ASIC2: variants seen among roughly 807,000 people sequenced by gnomAD.
ASIC2 encodes the protein acid sensing ion channel subunit 2.
ASIC2 carries 25 observed loss-of-function variants against 57.3 expected under a neutral mutation model. The ratio of observed to expected loss-of-function variants is 0.44; its 90% CI spans 0.32 to 0.61. ASIC2 has a LOEUF of 0.61. Among genes scored for constraint, ASIC2 ranks in the 20% least tolerant of loss-of-function variants. The probability of loss-of-function intolerance (pLI) is 0.06; values close to 1 mark genes in which losing one functional copy is unlikely to be tolerated. For missense variants in ASIC2, 641 were observed against 738.1 expected, an observed-to-expected ratio of 0.87 and a Z score of 1.52; for synonymous variants, 319 against 307.5, an observed-to-expected ratio of 1.04 and a Z score of -0.39.
chr17:33,532,469 T>C (rs1381602349), intron 1 of ASIC2, among the ~76,000 whole-genome samples: 3 of 152,228 alleles, frequency 2.0e-5, no homozygotes, highest in Non-Finnish European at 4.4e-5. Context: ...GCTACTATGA[T>C]GGGCCACTAG....
At chr17:33,695,474 G>T (rs1043302561) in intron 1 of ASIC2, among the ~76,000 whole-genome samples, 6 of 151,968 alleles carry the variant, frequency 3.9e-5, no homozygotes, top group African/African-American at 1.5e-4. Context: ...TTTTAAAATT[G>T]CTCTTTTAAA....
At chr17:33,620,222 A>T (rs1174683542) in intron 1 of ASIC2, among the ~76,000 whole-genome samples, 1 of 143,642 alleles carries the variant, frequency 7.0e-6, no homozygotes, top group Admixed American at 7.1e-5. Context: ...GTAGAATGGG[A>T]TCCAAGCAGA....
intron 1 of ASIC2, among the ~76,000 whole-genome samples, chr17:33,318,324 T>C (rs1019167976): frequency 6.6e-6 from 1 of 152,138 alleles, no homozygotes; most frequent in African/African-American, 2.4e-5. Flanking sequence ...TGAGTTTGGG[T>C]TCCAGGCTGC....
intron 1 of ASIC2, among the ~76,000 whole-genome samples, chr17:33,489,103 G>A (rs953416743): frequency 6.6e-6 from 1 of 152,144 alleles, no homozygotes; most frequent in African/African-American, 2.4e-5. Context: ...TCTAGAGTGA[G>A]AATCCTGCAA....
At chr17:33,316,079 T>C (rs1906633081) in intron 1 of ASIC2, among the ~76,000 whole-genome samples, 1 of 152,230 alleles carries the variant, frequency 6.6e-6, no homozygotes, top group Non-Finnish European at 1.5e-5. Flanking sequence ...ATAAGTTGGA[T>C]CAATTTTATT....
At chr17:33,702,481 C>G (rs1467841689) in intron 1 of ASIC2, among the ~76,000 whole-genome samples, 1 of 152,160 alleles carries the variant, frequency 6.6e-6, no homozygotes, top group Non-Finnish European at 1.5e-5. Context: ...GAGTTTCCAT[C>G]AAGGGAGCAG....
chr17:33,447,726 T>C (rs1259786856), intron 1 of ASIC2, among the ~76,000 whole-genome samples: 1 of 152,144 alleles, frequency 6.6e-6, no homozygotes, highest in Non-Finnish European at 1.5e-5. Flanking sequence ...ATAACTGATA[T>C]ATCTTGTAGA....
chr17:33,772,926 G>A (rs181272051), intron 1 of ASIC2, among the ~76,000 whole-genome samples: 29 of 152,242 alleles, frequency 1.9e-4, no homozygotes, highest in Middle Eastern at 3.4e-3. Flanking sequence ...GTGTGGGGGC[G>A]GATTAAAAGC....
At chr17:34,075,598 A>C (rs1318833159) in intron 1 of ASIC2, among the ~76,000 whole-genome samples, 1 of 152,162 alleles carries the variant, frequency 6.6e-6, no homozygotes, top group Non-Finnish European at 1.5e-5. Flanking sequence ...CCTGCAGTAC[A>C]TATGGCACCA....
intron 1 of ASIC2, among the ~76,000 whole-genome samples, chr17:33,143,452 T>C (rs1352434557): frequency 6.6e-6 from 1 of 152,202 alleles, no homozygotes; most frequent in Non-Finnish European, 1.5e-5. Context: ...TTGCTTTTGT[T>C]TCTCATATAT....
At chr17:33,455,443 T>A (rs1912415091) in intron 1 of ASIC2, among the ~76,000 whole-genome samples, 1 of 152,246 alleles carries the variant, frequency 6.6e-6, no homozygotes, top group African/African-American at 2.4e-5. Flanking sequence ...CATGCAATAT[T>A]TGGCTTACTG....
At chr17:33,993,219 G>A (rs751311127) in intron 1 of ASIC2, among the ~76,000 whole-genome samples, 7 of 152,184 alleles carry the variant, frequency 4.6e-5, no homozygotes, top group Non-Finnish European at 8.8e-5. Context: ...TGGTAGATTG[G>A]TAGCTTCCCT....
chr17:34,123,720 T>C (rs558377496), intron 1 of ASIC2, among the ~76,000 whole-genome samples: 4 of 152,202 alleles, frequency 2.6e-5, no homozygotes, highest in South Asian at 2.1e-4. Context: ...CTTAGGATCA[T>C]TGTAACCAAA....
chr17:33,112,274 G>C, intron 1 of ASIC2: 1 of 611,986 alleles, frequency 1.6e-6, no homozygotes, highest in South Asian at 2.2e-5. Flanking sequence ...AGCAAATCTG[G>C]ATGCCCTTTG....
At chr17:33,224,604 GA>G (rs1488839710) in intron 1 of ASIC2, among the ~76,000 whole-genome samples, 1 of 152,246 alleles carries the variant, frequency 6.6e-6, no homozygotes, top group Non-Finnish European at 1.5e-5. Flanking sequence ...AAACAGGGAG[GA>G]GGGGAGGAAA....
intron 1 of ASIC2, among the ~76,000 whole-genome samples, chr17:33,844,504 T>A (rs1913525667): frequency 6.6e-6 from 1 of 152,176 alleles, no homozygotes; most frequent in African/African-American, 2.4e-5. Flanking sequence ...ACAAGGACCA[T>A]GACACCCAGA....
chr17:33,477,168 T>C (rs1597743297), intron 1 of ASIC2, among the ~76,000 whole-genome samples: 1 of 152,288 alleles, frequency 6.6e-6, no homozygotes, highest in Non-Finnish European at 1.5e-5. Context: ...CTTAAACATA[T>C]ATATACTCAG....
At position 34,039,231 on chromosome 17, in the gene ASIC2, T is replaced by C. The variant is rs560744013; in HGVS notation, c.555+116747A>G. On this transcript the variant is annotated intron_variant, in intron 1 of 9. Transcript: ENST00000359872. ...TGTTTTCTAGTGCAGATATTTTTTCTATTGTGAGGTCGGACTGGGTCTGTC... is the reference window on the plus strand; with the variant it reads ...TGTTTTCTAGTGCAGATATTTTTTCCATTGTGAGGTCGGACTGGGTCTGTC... 9 of 1,614,028 alleles carry C rather than the reference T, an allele frequency of 5.6e-6. No individual in the cohort carries two copies. The East Asian group carries it at 1.8e-4, about 32-fold the overall frequency.
At chr17:33,904,012 A>C (rs1156468003) in intron 1 of ASIC2, among the ~76,000 whole-genome samples, 1 of 151,690 alleles carries the variant, frequency 6.6e-6, no homozygotes, top group Non-Finnish European at 1.5e-5. Flanking sequence ...AAAAATACAA[A>C]ATTAGCTGGG....
Sources: allele counts gnomAD v4.1 joint callset (sites outside exome capture counted in the v4.1 genomes callset), GRCh38; gene constraint gnomAD v4.1.1; transcripts MANE v1.5; gene names NCBI Gene and HGNC (gene_info 2026-07-23, HGNC 2026-07-21).